Variants in PLA2G2D observed in about 807,000 individuals in gnomAD.
PLA2G2D encodes the protein phospholipase A2 group IID.
A neutral mutation model predicts 13.9 loss-of-function variants in PLA2G2D; 17 were observed. The ratio of observed to expected loss-of-function variants is 1.23; its 90% CI spans 0.84 to 1.84. The LOEUF (loss-of-function observed/expected upper bound fraction) is 1.84, where lower values mean the gene tolerates loss of function less well. Ranked by LOEUF, PLA2G2D falls within the 40% of genes most tolerant of loss-of-function variation. The pLI is 0.00. For missense variants in PLA2G2D, 194 were observed against 178.7 expected, an observed-to-expected ratio of 1.09 and a Z score of -0.49; for synonymous variants, 83 against 69.3, an observed-to-expected ratio of 1.20 and a Z score of -0.98.
chr1:20,117,685 C>G (rs2017016780), intron 1 of PLA2G2D, among the ~76,000 whole-genome samples: 1 of 152,046 alleles, frequency 6.6e-6, no homozygotes, highest in South Asian at 2.1e-4. Context: ...TTAGAGAATG[C>G]AGGGAGCACA....
intron 3 of PLA2G2D, 104 bp downstream of exon 3, chr1:20,115,402 GC>G: frequency 1.3e-6 from 1 of 742,090 alleles, no homozygotes; most frequent in Non-Finnish European, 2.4e-6. Context: ...GTGGACCCAT[GC>G]AAAAAAAAAA....
chr1:20,119,535 G>A lies in PLA2G2D; in HGVS notation c.-37C>T, dbSNP rs772218810. 1.1e-5 allele frequency: 17 copies of A among 1,609,376 alleles called. No individual in the cohort carries two copies. The stretch of plus-strand genomic sequence containing the variant: ...AGAGCAGTGGAGGCAGATGCTGGCA[G>A]TCCCTTTCCATGCAGGCTGCCCCCT... On this transcript the variant is annotated 5_prime_UTR_variant, in exon 1 of 4. Coordinates refer to ENST00000375105, the MANE Select transcript of PLA2G2D (RefSeq NM_012400.4).
intron 3 of PLA2G2D, 112 bp from the exon 4 acceptor site, chr1:20,114,371 G>A (rs1052299097): frequency 5.4e-6 from 6 of 1,118,202 alleles, no homozygotes; most frequent in Non-Finnish European, 7.6e-6. Flanking sequence ...TAGAGGTACC[G>A]GTCCCAGCAA....
rs1005266898 is a variant in PLA2G2D at position 20,112,760 on chromosome 1, G to C, written c.*1354C>G. On this transcript the variant is annotated 3_prime_UTR_variant, in exon 4 of 4. Coordinates refer to ENST00000375105, the MANE Select transcript of PLA2G2D (RefSeq NM_012400.4). ...ACCAAGCAGAGAGGTGGTTCCAGGA[G>C]AGGCCTGGCCTCAGCCCGATCCCAG... 6.6e-6 allele frequency: 1 copy of C among 152,250 alleles called. No individual in the cohort carries two copies. Among genetic ancestry groups the C allele is most frequent in the Non-Finnish European group, 1.5e-5 (1 of 68,110 alleles). The allele number at this position is 152,250 out of a possible 1,614,324, so 9.4% of individuals were successfully genotyped here.
chr1:20,113,841 CA>C lies in PLA2G2D; in HGVS notation c.*272del, dbSNP rs2016931737. On this transcript the variant is annotated 3_prime_UTR_variant, in exon 4 of 4. Coordinates refer to ENST00000375105, the MANE Select transcript of PLA2G2D (RefSeq NM_012400.4). Reference sequence around the variant, plus strand: ...GGGGGACAGCGGCAGACCCCTCCCCCACCCCGATGCTTTGGTCCAAACACCA... The same window carrying C: ...GGGGGACAGCGGCAGACCCCTCCCCCCCCCGATGCTTTGGTCCAAACACCA... 2.7e-6 allele frequency: 1 copy of C among 376,358 alleles called. No individual in the cohort carries two copies. Among genetic ancestry groups the C allele is most frequent in the South Asian group, 7.2e-5 (1 of 13,834 alleles). 23.3% of individuals were successfully genotyped at this position (376,358 alleles called of 1,614,324 possible). A position where few individuals can be genotyped will look rare whatever the true frequency, so the allele number is the denominator to read the frequency against.
Position 20,119,450 on chromosome 1 carries a change from C to A in PLA2G2D, c.40+9G>T. The A allele has an allele frequency of 6.2e-7, 1 of 1,613,054 alleles. No homozygotes were observed. The highest frequency in any genetic ancestry group is 8.5e-7 in the Non-Finnish European group (1 of 1,179,116). ...TCCCTTCCCAGCCTGGGTCCCGTCCCCGACTCACCAGCCATCACCACCAGC... is the reference window on the plus strand; with the variant it reads ...TCCCTTCCCAGCCTGGGTCCCGTCCACGACTCACCAGCCATCACCACCAGC... On this transcript the variant is annotated intron_variant, in intron 1 of 3. Transcript: ENST00000375105.
At chr1:20,116,700 A>G (rs374718213) in intron 1 of PLA2G2D, among the ~76,000 whole-genome samples, 9 of 152,170 alleles carry the variant, frequency 5.9e-5, no homozygotes, top group East Asian at 2.0e-4. Flanking sequence ...GTCTTGCTCT[A>G]TTGCCCAGGC....
Position 20,113,892 on chromosome 1 carries a change from C to T in PLA2G2D, c.*222G>A, listed in dbSNP as rs752782755. The stretch of plus-strand genomic sequence containing the variant: ...ACCTCTGAGGGCTCCCTTGCTTGGG[C>T]TTCTCCCAAGATTCCCATCCACCCT... On this transcript the variant is annotated 3_prime_UTR_variant, in exon 4 of 4. Coordinates refer to ENST00000375105, the MANE Select transcript of PLA2G2D (RefSeq NM_012400.4). The T allele has an allele frequency of 8.5e-6, 4 of 469,170 alleles. No individual in the cohort carries two copies. The highest frequency in any genetic ancestry group is 4.0e-5 in the African/African-American group (2 of 50,152). 29.1% of individuals were successfully genotyped at this position (469,170 alleles called of 1,614,324 possible). A position where few individuals can be genotyped will look rare whatever the true frequency, so the allele number is the denominator to read the frequency against.
At chr1:20,116,061 G>A (rs1198870145) in intron 2 of PLA2G2D, among the ~76,000 whole-genome samples, 2 of 152,110 alleles carry the variant, frequency 1.3e-5, no homozygotes, top group South Asian at 2.1e-4. Context: ...AAAAACCAAC[G>A]TCCATTGCAG....
In PLA2G2D at chr1:20,114,160, C is replaced by T. The variant is rs140273893; in HGVS notation, c.392G>A (p.Arg131His). Residue 131 changes from arginine to histidine, a missense_variant, in exon 4 of 4, where the codon CGT becomes CAT. Coordinates refer to ENST00000375105, the MANE Select transcript of PLA2G2D (RefSeq NM_012400.4). Reference protein sequence around the residue: ...RNLDTYQKRLRFYWRPHCRGQ... With the variant: ...RNLDTYQKRLHFYWRPHCRGQ... ...CCGGCAGTGGGGCCGCCAGTAGAAA[C>T]GCAGTCGCTTCTGGTAGGTGTCCAG... is the stretch of plus-strand genomic sequence containing the variant. The T allele has an allele frequency of 5.6e-5, 90 of 1,613,980 alleles. No homozygotes were observed. The highest frequency in any genetic ancestry group is 1.7e-4 in the Middle Eastern group (1 of 5,920).
rs774868135 is a variant in PLA2G2D at position 20,116,427 on chromosome 1, G to A, written c.91C>T (p.Gln31Ter). 3 of 1,614,146 alleles carry A rather than the reference G, an allele frequency of 1.9e-6. No individual in the cohort carries two copies. The East Asian group carries it at 6.7e-5, about 36-fold the overall frequency. The change falls in exon 2 of 4, where the codon CAA becomes TAA. Residue 31 changes from glutamine (Q) to a stop codon, truncating the protein, a stop_gained. Coordinates refer to ENST00000375105, the MANE Select transcript of PLA2G2D (RefSeq NM_012400.4). LOFTEE classifies it high-confidence loss of function. ...AGGATGGGCATTTTCCCAGTCACTTGCTTGACCATCTTGTTCAGGTTCAGG... is the reference window on the plus strand; with the variant it reads ...AGGATGGGCATTTTCCCAGTCACTTACTTGACCATCTTGTTCAGGTTCAGG... ...GILNLNKMVK[Q>*]VTGKMPILSY...
Position 20,117,696 on chromosome 1 carries a change from C to T in PLA2G2D, c.41-1219G>A, listed in dbSNP as rs62541861. 2.6e-3 allele frequency among the ~76,000 whole-genome samples: 400 copies of T among 152,224 alleles called. 2 individuals are homozygous for T. The highest frequency in any genetic ancestry group is 0.014 in the Middle Eastern group (4 of 294). ...ATGATTAGAGAATGCAGGGAGCACA[C>T]GTCCCGATGGAGCCCAGAGTCTCAG... On this transcript the variant is annotated intron_variant, in intron 1 of 3. Coordinates refer to ENST00000375105, the MANE Select transcript of PLA2G2D (RefSeq NM_012400.4).
At position 20,112,074 on chromosome 1, in the gene PLA2G2D, C is replaced by T. The variant is rs1569866308; in HGVS notation, c.*2040G>A. On this transcript the variant is annotated 3_prime_UTR_variant, in exon 4 of 4. Transcript: ENST00000375105. ...CTCTGCCTCCCAGGTCCAAGTGATT[C>T]TCCTGCCTCAGCCTCCTGAATAGCT... is the stretch of plus-strand genomic sequence containing the variant. The T allele has an allele frequency of 6.6e-6, 1 of 151,932 alleles. No homozygotes were observed. The highest frequency in any genetic ancestry group is 1.5e-5 in the Non-Finnish European group (1 of 67,992). 9.4% of individuals were successfully genotyped at this position (151,932 alleles called of 1,614,324 possible). A position where few individuals can be genotyped will look rare whatever the true frequency, so the allele number is the denominator to read the frequency against.
chr1:20,116,094 T>C (rs679304), intron 2 of PLA2G2D, among the ~76,000 whole-genome samples: 45,277 of 151,996 alleles, frequency 0.3, 6,878 homozygotes, highest in South Asian at 0.36. Flanking sequence ...GTGGGCATTG[T>C]CACTAGAGTA....
rs1322471439 is a variant in PLA2G2D at position 20,112,124 on chromosome 1, GC to G, written c.*1989del. The G allele has an allele frequency of 6.6e-6, 1 of 151,826 alleles. No homozygotes were observed. The highest frequency in any genetic ancestry group is 1.5e-5 in the Non-Finnish European group (1 of 67,974). 9.4% of individuals were successfully genotyped at this position (151,826 alleles called of 1,614,324 possible). A position where few individuals can be genotyped will look rare whatever the true frequency, so the allele number is the denominator to read the frequency against. ...TGGGATTACAGGCACCCACCACGAT[GC>G]CTGGCTAATTTTTGTATTTTTAGTA... On this transcript the variant is annotated 3_prime_UTR_variant, in exon 4 of 4. Coordinates refer to ENST00000375105, the MANE Select transcript of PLA2G2D (RefSeq NM_012400.4).
chr1:20,116,675 A>G (rs1458355357), intron 1 of PLA2G2D, among the ~76,000 whole-genome samples, 198 bp from the exon 2 acceptor site: 3 of 152,066 alleles, frequency 2.0e-5, no homozygotes, highest in Admixed American at 2.0e-4. Flanking sequence ...TAATCCCAGC[A>G]CTTTGGGAGA....
chr1:20,116,341 G>A lies in PLA2G2D; in HGVS notation c.177C>T (p.Ala59=). The change falls in exon 2 of 4, where the codon GCC becomes GCT. Residue 59 remains alanine (A), a synonymous_variant. Coordinates refer to ENST00000375105, the MANE Select transcript of PLA2G2D (RefSeq NM_012400.4). ...GLGGRGQPKD[A]TDWCCQTHDC... is the part of the protein sequence containing the mutation. ...CCTGAGAAAGGAGTTACCAGTCCGT[G>A]GCATCTTTGGGTTGGCCTCTGCCAC... 1 of 1,614,182 alleles carries A rather than the reference G, an allele frequency of 6.2e-7. No homozygotes were observed. The highest frequency in any genetic ancestry group is 8.5e-7 in the Non-Finnish European group (1 of 1,179,982).
In PLA2G2D at chr1:20,114,024, G is replaced by T. The variant is rs2016934052; in HGVS notation, c.*90C>A. On this transcript the variant is annotated 3_prime_UTR_variant, in exon 4 of 4. Coordinates refer to ENST00000375105, the MANE Select transcript of PLA2G2D (RefSeq NM_012400.4). ...GAGGCTGGGACTACCTCCCCCCGGA[G>T]TGTTTGAAAAGCCAGGCTGGTTCAG... 2 of 1,240,904 alleles carry T rather than the reference G, an allele frequency of 1.6e-6. No homozygotes were observed. 76.9% of individuals were successfully genotyped at this position (1,240,904 alleles called of 1,614,324 possible). A position where few individuals can be genotyped will look rare whatever the true frequency, so the allele number is the denominator to read the frequency against.
In PLA2G2D at chr1:20,112,244, G is replaced by A. The variant is rs1345551034; in HGVS notation, c.*1870C>T. 3 of 152,190 alleles carry A rather than the reference G, an allele frequency of 2.0e-5. No homozygotes were observed. Among genetic ancestry groups the A allele is most frequent in the African/African-American group, 4.8e-5 (2 of 41,418 alleles). 9.4% of individuals were successfully genotyped at this position (152,190 alleles called of 1,614,324 possible). A position where few individuals can be genotyped will look rare whatever the true frequency, so the allele number is the denominator to read the frequency against. On this transcript the variant is annotated 3_prime_UTR_variant, in exon 4 of 4. Coordinates refer to ENST00000375105, the MANE Select transcript of PLA2G2D (RefSeq NM_012400.4). ...AGCCACCCTAAGTGTTGGGATTACA[G>A]GCATGAGCCACCATGCCTGGCCTAG...
Sources: gnomAD v4.1 joint callset for allele counts (sites outside exome capture counted in the v4.1 genomes callset) on GRCh38, gnomAD v4.1.1 for gene constraint, MANE v1.5 for transcripts, NCBI Gene and HGNC (gene_info 2026-07-23, HGNC 2026-07-21) for gene names.